Variants in SCOC observed in about 807,000 individuals in gnomAD.
The protein encoded by SCOC is short coiled coil protein.
A neutral mutation model predicts 9.9 loss-of-function variants in SCOC; 7 were observed. The ratio of observed to expected loss-of-function variants is 0.71; its 90% CI spans 0.40 to 1.33. The LOEUF is 1.33. Among genes scored for constraint, SCOC ranks in the 40% most tolerant of loss-of-function variants. The pLI is 0.01. For missense variants in SCOC, 66 were observed against 89.7 expected (o/e 0.74, Z 1.07); for synonymous variants, 19 against 28.2 (o/e 0.67, Z 1.03).
intron 2 of SCOC, among the ~76,000 whole-genome samples, chr4:140,362,137 A>G (rs1727503915): frequency 2.8e-5 from 3 of 106,172 alleles, no homozygotes; most frequent in Admixed American, 2.8e-4. Context: ...AAGGAAAGAG[A>G]GAGCCTGGCC....
intron 1 of SCOC, among the ~76,000 whole-genome samples, chr4:140,280,069 C>A (rs1380160285): frequency 6.6e-6 from 1 of 152,158 alleles, no homozygotes; most frequent in Non-Finnish European, 1.5e-5. Context: ...TTGGCAAGAG[C>A]TGAATCATAT....
chr4:140,270,481 G>A (rs1730819320), intron 1 of SCOC, among the ~76,000 whole-genome samples: 1 of 152,048 alleles, frequency 6.6e-6, no homozygotes, highest in Admixed American at 6.6e-5. Flanking sequence ...CTGCAGGCAC[G>A]TGCCACCATG....
chr4:140,259,485 T>G (rs114153717), intron 1 of SCOC, among the ~76,000 whole-genome samples: 1,845 of 152,332 alleles, frequency 0.012, 33 homozygotes, highest in African/African-American at 0.042. Context: ...CGGCTGGGCA[T>G]GGTGGCTTGC....
intron 2 of SCOC, chr4:140,360,737 C>A (rs1338520800): frequency 1.3e-5 from 2 of 152,188 alleles, no homozygotes; most frequent in African/African-American, 4.8e-5. Flanking sequence ...AGGCACTGTG[C>A]TTGGCAGGGG....
At chr4:140,269,185 C>G (rs1452564451) in intron 1 of SCOC, among the ~76,000 whole-genome samples, 1 of 152,146 alleles carries the variant, frequency 6.6e-6, no homozygotes, top group Non-Finnish European at 1.5e-5. Flanking sequence ...AGAAATGTGG[C>G]CCACAAATTC....
intron 1 of SCOC, among the ~76,000 whole-genome samples, chr4:140,269,117 A>G (rs1424266245): frequency 1.3e-5 from 2 of 152,152 alleles, no homozygotes; most frequent in East Asian, 3.9e-4. Context: ...TCATTTGCTT[A>G]CTTGTTTTAT....
intron 1 of SCOC, among the ~76,000 whole-genome samples, chr4:140,304,261 TTTG>T (rs959722509): frequency 2.6e-5 from 4 of 152,238 alleles, no homozygotes; most frequent in African/African-American, 7.2e-5. Flanking sequence ...AAAACAGGGT[TTTG>T]TTGTTGTTGT....
intron 1 of SCOC, among the ~76,000 whole-genome samples, chr4:140,334,931 G>T (rs1578821236): frequency 6.6e-6 from 1 of 151,968 alleles, no homozygotes; most frequent in Admixed American, 6.6e-5. Flanking sequence ...ACAAAACCCT[G>T]TCTCAAAAAT....
chr4:140,328,704 T>C (rs1458960038), intron 1 of SCOC, among the ~76,000 whole-genome samples: 1 of 152,214 alleles, frequency 6.6e-6, no homozygotes, highest in Non-Finnish European at 1.5e-5. Context: ...TTATTGTATG[T>C]ATGTTATACC....
chr4:140,318,952 G>T (rs947142393), intron 1 of SCOC, among the ~76,000 whole-genome samples: 8 of 152,064 alleles, frequency 5.3e-5, no homozygotes, highest in African/African-American at 1.9e-4. Context: ...TCTGGTGCAG[G>T]AACCTTTTTT....
At chr4:140,264,813 A>G (rs1730700558) in intron 1 of SCOC, among the ~76,000 whole-genome samples, 1 of 152,224 alleles carries the variant, frequency 6.6e-6, no homozygotes, top group African/African-American at 2.4e-5. Flanking sequence ...TGAATTTTGA[A>G]TGATCATACC....
At chr4:140,368,397 T>A (rs953793363) in intron 2 of SCOC, among the ~76,000 whole-genome samples, 6 of 152,220 alleles carry the variant, frequency 3.9e-5, no homozygotes, top group Admixed American at 2.0e-4. Flanking sequence ...AAAATAAACA[T>A]GTAATTATTT....
chr4:140,279,502 C>T, intron 1 of SCOC, among the ~76,000 whole-genome samples: 1 of 152,082 alleles, frequency 6.6e-6, no homozygotes, highest in East Asian at 1.9e-4. Context: ...CAAGGACTAT[C>T]CTTGGATACT....
chr4:140,319,419 C>G (rs1286497976), intron 1 of SCOC, among the ~76,000 whole-genome samples: 1 of 152,088 alleles, frequency 6.6e-6, no homozygotes, highest in Non-Finnish European at 1.5e-5. Context: ...GGAGTTATTT[C>G]TGCTTTCTGT....
At chr4:140,262,542 C>A (rs375885377) in intron 1 of SCOC, among the ~76,000 whole-genome samples, 7 of 152,242 alleles carry the variant, frequency 4.6e-5, no homozygotes, top group African/African-American at 1.4e-4. Flanking sequence ...TCTCCTGTTT[C>A]TGCTATAGAG....
upstream of SCOC, among the ~76,000 whole-genome samples, chr4:140,371,429 T>C (rs181852527): frequency 1.5e-4 from 23 of 152,350 alleles, no homozygotes; most frequent in East Asian, 4.2e-3. Flanking sequence ...ATTTGGAATT[T>C]AGTTTTATTT....
intron 2 of SCOC, chr4:140,366,827 C>T (rs934103222): frequency 2.2e-6 from 2 of 920,214 alleles, no homozygotes; most frequent in African/African-American, 1.6e-5. Context: ...ATGTAGCCCA[C>T]ACGGCCAACC....
chr4:140,350,397 T>A (rs145175162), intron 2 of SCOC, among the ~76,000 whole-genome samples: 129 of 152,390 alleles, frequency 8.5e-4, no homozygotes, highest in African/African-American at 2.8e-3. Context: ...AGAATTTGTG[T>A]GTGTTGGGAT....
intron 1 of SCOC, among the ~76,000 whole-genome samples, chr4:140,279,012 G>C (rs905085682): frequency 7.2e-5 from 11 of 152,046 alleles, no homozygotes; most frequent in African/African-American, 2.2e-4. Context: ...TGTGTAGTTT[G>C]GCCCTACTTA....
Sources: allele counts gnomAD v4.1 joint callset (sites outside exome capture counted in the v4.1 genomes callset), GRCh38; gene constraint gnomAD v4.1.1; transcripts MANE v1.5; gene names NCBI Gene and HGNC (gene_info 2026-07-23, HGNC 2026-07-21).